SPOCK3: variants seen among roughly 807,000 people sequenced by gnomAD.
SPOCK3 encodes SPARC (osteonectin), cwcv and kazal like domains proteoglycan 3, also known as testican-3.
Under a neutral mutation model 56.6 loss-of-function variants are expected in SPOCK3, and 30 were observed. That is an observed-to-expected ratio of 0.53 (90% confidence interval 0.40 to 0.72). SPOCK3 has a LOEUF of 0.72. SPOCK3 is among the 30% of genes least tolerant of loss of function. The pLI is 0.00. For missense variants in SPOCK3, 527 were observed against 530.0 expected (o/e 0.99, Z 0.06); for synonymous variants, 196 against 183.3 (o/e 1.07, Z -0.56).
intron 3 of SPOCK3, among the ~76,000 whole-genome samples, chr4:167,058,078 C>T (rs929786113): frequency 6.6e-6 from 1 of 152,024 alleles, no homozygotes; most frequent in African/African-American, 2.4e-5. Context: ...GGAATTTTAA[C>T]AAACTGTCTC....
chr4:167,104,019 G>A (rs1459954566), intron 2 of SPOCK3, among the ~76,000 whole-genome samples: 1 of 152,148 alleles, frequency 6.6e-6, no homozygotes, highest in African/African-American at 2.4e-5. Context: ...AAGAATCACA[G>A]CATTACTAGG....
chr4:166,789,235 G>A (rs1454726343), intron 7 of SPOCK3, among the ~76,000 whole-genome samples: 1 of 151,884 alleles, frequency 6.6e-6, no homozygotes, highest in Non-Finnish European at 1.5e-5. Flanking sequence ...TTCAAAACCA[G>A]CCTGACCAAC....
At chr4:167,088,388 C>A (rs1051580083) in intron 2 of SPOCK3, among the ~76,000 whole-genome samples, 1 of 151,886 alleles carries the variant, frequency 6.6e-6, no homozygotes, top group Non-Finnish European at 1.5e-5. Flanking sequence ...TGCAAGGCCA[C>A]CAGTCTTGAA....
At chr4:166,819,146 A>G (rs193041155) in intron 6 of SPOCK3, among the ~76,000 whole-genome samples, 47 of 152,216 alleles carry the variant, frequency 3.1e-4, no homozygotes, top group African/African-American at 1.1e-3. Flanking sequence ...CAGAAAAATC[A>G]TGCAACATAT....
chr4:166,874,501 C>A (rs536479019), intron 6 of SPOCK3, among the ~76,000 whole-genome samples: 22 of 152,250 alleles, frequency 1.4e-4, no homozygotes, highest in African/African-American at 5.3e-4. Flanking sequence ...TCAATTTGAT[C>A]TTCACAAATA....
At chr4:167,070,776 C>T (rs946718512) in intron 2 of SPOCK3, among the ~76,000 whole-genome samples, 6 of 151,884 alleles carry the variant, frequency 4.0e-5, no homozygotes, top group African/African-American at 1.4e-4. Context: ...AGGAAACTTT[C>T]CTGTGTAGAA....
chr4:167,173,641 T>C (rs1471272803), intron 2 of SPOCK3, among the ~76,000 whole-genome samples: 1 of 152,172 alleles, frequency 6.6e-6, no homozygotes, highest in South Asian at 2.1e-4. Flanking sequence ...TGAGCTTTCT[T>C]TTCTTAATCG....
chr4:167,044,649 C>A (rs894001857), intron 3 of SPOCK3, among the ~76,000 whole-genome samples: 74 of 151,956 alleles, frequency 4.9e-4, no homozygotes, highest in African/African-American at 1.7e-3. Flanking sequence ...TTTAAAATTT[C>A]TCTTGGTATT....
At chr4:167,151,577 G>A (rs544948404) in intron 2 of SPOCK3, among the ~76,000 whole-genome samples, 1 of 152,134 alleles carries the variant, frequency 6.6e-6, no homozygotes, top group Non-Finnish European at 1.5e-5. Context: ...TGGGACTACA[G>A]GCACCCGCCA....
At chr4:166,798,086 G>T (rs1742157342) in intron 6 of SPOCK3, among the ~76,000 whole-genome samples, 1 of 152,106 alleles carries the variant, frequency 6.6e-6, no homozygotes. Flanking sequence ...TGCTGCAGTG[G>T]TAAGAAAGTC....
chr4:166,784,528 A>T (rs1740530438), intron 7 of SPOCK3, among the ~76,000 whole-genome samples: 1 of 152,122 alleles, frequency 6.6e-6, no homozygotes, highest in Non-Finnish European at 1.5e-5. Context: ...ATAAGCAATG[A>T]TATGGATCTC....
intron 4 of SPOCK3, among the ~76,000 whole-genome samples, chr4:166,929,741 G>A (rs1739516292): frequency 6.6e-6 from 1 of 152,038 alleles, no homozygotes. Context: ...TGGAAGATAC[G>A]ATATCCATTA....
At chr4:167,013,835 T>C (rs1750336164) in intron 3 of SPOCK3, among the ~76,000 whole-genome samples, 1 of 152,066 alleles carries the variant, frequency 6.6e-6, no homozygotes, top group Non-Finnish European at 1.5e-5. Flanking sequence ...ATGTTTTAAT[T>C]TGTAAATTGG....
chr4:167,153,762 T>C (rs933363753), intron 2 of SPOCK3, among the ~76,000 whole-genome samples: 23 of 152,306 alleles, frequency 1.5e-4, no homozygotes, highest in African/African-American at 5.1e-4. Flanking sequence ...AAATGACACA[T>C]AGCATCAAAA....
chr4:167,109,120 ATAAATATTATATATTTATAT>A, intron 2 of SPOCK3, among the ~76,000 whole-genome samples: 1 of 37,908 alleles, frequency 2.6e-5, no homozygotes, highest in Admixed American at 5.3e-4. Flanking sequence ...AAAAATATAT[ATAAATATTATATATTTATAT>A]AAAAATATAT....
chr4:167,066,028 T>C (rs1169673512), intron 2 of SPOCK3, among the ~76,000 whole-genome samples: 2 of 151,940 alleles, frequency 1.3e-5, no homozygotes, highest in African/African-American at 4.8e-5. Flanking sequence ...ATTAAACCAC[T>C]GCCTACTTCT....
At chr4:167,116,368 T>C (rs1761324759) in intron 2 of SPOCK3, among the ~76,000 whole-genome samples, 1 of 148,904 alleles carries the variant, frequency 6.7e-6, no homozygotes, top group African/African-American at 2.5e-5. Context: ...GTCAAATAAA[T>C]TACAAAAGTT....
chr4:166,741,129 T>A (rs945633063), intron 9 of SPOCK3, among the ~76,000 whole-genome samples: 2 of 152,204 alleles, frequency 1.3e-5, no homozygotes, highest in Non-Finnish European at 2.9e-5. Context: ...CACGAGTGTG[T>A]TAATATCCGT....
At chr4:167,016,925 T>A (rs1338541510) in intron 3 of SPOCK3, among the ~76,000 whole-genome samples, 1 of 152,126 alleles carries the variant, frequency 6.6e-6, no homozygotes, top group South Asian at 2.1e-4. Flanking sequence ...ACGTAAGCTA[T>A]CAACAATGAG....
Sources: allele counts gnomAD v4.1 joint callset (sites outside exome capture counted in the v4.1 genomes callset), GRCh38; gene constraint gnomAD v4.1.1; transcripts MANE v1.5; gene names NCBI Gene and HGNC (gene_info 2026-07-23, HGNC 2026-07-21).